The following THRB variants were observed in gnomAD, a reference collection of about 807,000 sequenced individuals.
THRB encodes the protein nuclear receptor subfamily 1 group A member 2.
THRB carries 12 observed loss-of-function variants against 47.8 expected under a neutral mutation model. The observed-to-expected ratio is 0.25, with a 90% CI of 0.16 to 0.41. The LOEUF (loss-of-function observed/expected upper bound fraction) is 0.41. Ranked by LOEUF, THRB falls within the 10% of genes least tolerant of loss-of-function variation. The pLI is 1.00. For synonymous variants in THRB, 218 were observed against 212.2 expected, an observed-to-expected ratio of 1.03 and a Z score of -0.24; for missense variants, 348 against 589.2, an observed-to-expected ratio of 0.59 and a Z score of 4.24.
At chr3:24,226,725 A>T (rs770086552) in intron 4 of THRB, among the ~76,000 whole-genome samples, 8 of 152,214 alleles carry the variant, frequency 5.3e-5, no homozygotes, top group Non-Finnish European at 8.8e-5. Context: ...TAGCTAGAAG[A>T]GAACTGCCTG....
rs2149593097 is a variant in THRB, at chr3:24,190,141, A to G, written c.216T>C (p.His72=). ...AGACACTCTGGTCGTTCACATCATC[A>G]TGGTCCAGATGGAATATTGAGCTAG... ...TWTSSIFHLD[H]DDVNDQSVSS... Residue 72 remains histidine (H), a synonymous_variant, in exon 5 of 11, where the codon CAT becomes CAC. Transcript: ENST00000646209. 4 of 1,614,046 alleles carry G rather than the reference A, an allele frequency of 2.5e-6. No homozygotes were observed. The highest frequency in any genetic ancestry group is 3.4e-6 in the Non-Finnish European group (4 of 1,179,944).
intron 8 of THRB, among the ~76,000 whole-genome samples, chr3:24,140,867 A>G (rs1181649782): frequency 1.3e-5 from 2 of 152,208 alleles, no homozygotes; most frequent in African/African-American, 4.8e-5. Flanking sequence ...TCCATCACAC[A>G]TAGCATAGAT....
chr3:24,432,495 T>C (rs2070536031), intron 1 of THRB, among the ~76,000 whole-genome samples: 1 of 152,132 alleles, frequency 6.6e-6, no homozygotes, highest in Admixed American at 6.6e-5. Context: ...AAGCTATATC[T>C]GCAATAGCAT....
intron 3 of THRB, among the ~76,000 whole-genome samples, chr3:24,258,635 G>A (rs1337242422): frequency 6.6e-6 from 1 of 152,128 alleles, no homozygotes; most frequent in African/African-American, 2.4e-5. Flanking sequence ...TACTGCATAC[G>A]CTGTAGTGCA....
At chr3:24,377,406 T>C (rs73050391) in intron 1 of THRB, among the ~76,000 whole-genome samples, 3,009 of 150,898 alleles carry the variant, frequency 0.02, 48 homozygotes, top group Non-Finnish European at 0.034. Context: ...CATAGGTCTA[T>C]AAAAATGTTG....
chr3:24,258,628 T>C (rs992290466), intron 3 of THRB, among the ~76,000 whole-genome samples: 3 of 152,184 alleles, frequency 2.0e-5, no homozygotes, highest in African/African-American at 7.2e-5. Context: ...TATACATTAC[T>C]GCATACGCTG....
chr3:24,336,082 A>G (rs2062230031), intron 2 of THRB, among the ~76,000 whole-genome samples: 1 of 152,190 alleles, frequency 6.6e-6, no homozygotes, highest in Admixed American at 6.5e-5. Flanking sequence ...CACTTAGAGA[A>G]CCATAGGTCT....
intron 4 of THRB, among the ~76,000 whole-genome samples, chr3:24,225,081 G>C (rs960701621): frequency 6.6e-6 from 1 of 152,160 alleles, no homozygotes; most frequent in Non-Finnish European, 1.5e-5. Context: ...CTATGAACAA[G>C]CAAGTTACAG....
intron 1 of THRB, among the ~76,000 whole-genome samples, chr3:24,460,805 C>T (rs1279570891): frequency 6.6e-6 from 1 of 152,142 alleles, no homozygotes; most frequent in Non-Finnish European, 1.5e-5. Context: ...CCAGACAAAA[C>T]GTCACAATTT....
At chr3:24,446,468 G>A (rs1416954905) in intron 1 of THRB, among the ~76,000 whole-genome samples, 1 of 151,346 alleles carries the variant, frequency 6.6e-6, no homozygotes, top group Non-Finnish European at 1.5e-5. Context: ...ATTGTCAAAG[G>A]AGTTATGTGT....
intron 3 of THRB, among the ~76,000 whole-genome samples, chr3:24,244,617 G>C (rs1434531230): frequency 6.6e-6 from 1 of 152,124 alleles, no homozygotes; most frequent in Non-Finnish European, 1.5e-5. Context: ...GTATGAAACT[G>C]AACTTTGACA....
chr3:24,276,064 C>T (rs2053885894), intron 3 of THRB, among the ~76,000 whole-genome samples: 2 of 151,732 alleles, frequency 1.3e-5, no homozygotes, highest in South Asian at 4.2e-4. Flanking sequence ...TTAATAACCT[C>T]CTTTCCATGC....
At chr3:24,447,722 G>A (rs1357702951) in intron 1 of THRB, among the ~76,000 whole-genome samples, 3 of 152,100 alleles carry the variant, frequency 2.0e-5, no homozygotes, top group Admixed American at 2.0e-4. Context: ...AATCCCCAAT[G>A]AAAGCCAAGA....
chr3:24,462,829 G>GA (rs1041665307), intron 1 of THRB, among the ~76,000 whole-genome samples: 8 of 152,154 alleles, frequency 5.3e-5, no homozygotes, highest in Admixed American at 2.0e-4. Context: ...AGAAGCCTGG[G>GA]AAAAATACCC....
Position 24,133,428 on chromosome 3 carries a change from G to A in THRB, c.773C>T (p.Ala258Val), listed in dbSNP as rs747139412. 6.2e-7 allele frequency: 1 copy of A among 1,614,054 alleles called. No homozygotes were observed. Among genetic ancestry groups the A allele is most frequent in the Non-Finnish European group, 8.5e-7 (1 of 1,179,982 alleles). The change falls in exon 9 of 11, where the codon GCC becomes GTC. Residue 258 changes from alanine (A) to valine (V), a missense_variant. Ala to Val is a moderately conservative substitution (Grantham distance 64). Coordinates refer to ENST00000646209, the MANE Select transcript of THRB (RefSeq NM_001354712.2). ...CAAGTCAACCTTTCCACCTTCTGGG[G>A]CATTGACTATTGGTGCTTGTCCAAT... is the stretch of plus-strand genomic sequence containing the variant. ...EDIGQAPIVN[A>V]PEGGKVDLEA... is the part of the protein sequence containing the mutation.
At chr3:24,329,157 G>A (rs1280600898) in intron 2 of THRB, among the ~76,000 whole-genome samples, 1 of 151,914 alleles carries the variant, frequency 6.6e-6, no homozygotes, top group African/African-American at 2.4e-5. Context: ...GTTGCCTAGG[G>A]TGGTCTCAAA....
intron 5 of THRB, among the ~76,000 whole-genome samples, chr3:24,167,980 A>G (rs1325708748): frequency 6.6e-6 from 1 of 152,182 alleles, no homozygotes; most frequent in Non-Finnish European, 1.5e-5. Context: ...GGTCAACAGT[A>G]TTTTTATTGA....
Position 24,123,833 on chromosome 3 carries a change from A to G in THRB, c.1145-708T>C, listed in dbSNP as rs962497649. Among the ~76,000 whole-genome samples the G allele has an allele frequency of 1.2e-4, 19 of 152,078 alleles. 1 individual carries two copies. The highest frequency in any genetic ancestry group is 5.9e-5 in the Non-Finnish European group (4 of 68,018). On this transcript the variant is annotated intron_variant, in intron 10 of 10. Transcript: ENST00000646209. ...GGAGCTGGAGTGAGAAGACACCGGG[A>G]CCCTGGAAAGCCCAGCAAATCTTCC...
At chr3:24,372,292 T>C (rs2064977695) in intron 1 of THRB, among the ~76,000 whole-genome samples, 1 of 152,084 alleles carries the variant, frequency 6.6e-6, no homozygotes, top group Non-Finnish European at 1.5e-5. Flanking sequence ...AACATGATGT[T>C]ACCACATGCA....
Sources: gnomAD v4.1 joint callset for allele counts (sites outside exome capture counted in the v4.1 genomes callset) on GRCh38, gnomAD v4.1.1 for gene constraint, MANE v1.5 for transcripts, NCBI Gene and HGNC (gene_info 2026-07-23, HGNC 2026-07-21) for gene names.